Variants in EML1 observed in about 807,000 individuals in gnomAD.
EML1 encodes the protein EMAP like 1.
In EML1, 27 loss-of-function variants were observed where a neutral mutation model predicts 110.4. The observed-to-expected ratio is 0.24, with a 90% CI of 0.18 to 0.34. EML1 has a LOEUF of 0.34. EML1 is among the 10% of genes least tolerant of loss of function. EML1 has a pLI of 1.00. For synonymous variants in EML1, 344 were observed against 385.8 expected (o/e 0.89, Z 1.27); for missense variants, 741 against 1,030.9 (o/e 0.72, Z 3.85).
intron 1 of EML1, among the ~76,000 whole-genome samples, chr14:99,761,860 G>A (rs963197259): frequency 2.0e-5 from 3 of 149,698 alleles, no homozygotes; most frequent in Non-Finnish European, 3.0e-5. Flanking sequence ...GGGAGGCGGA[G>A]GTTGCAGTGA....
chr14:99,834,772 TAGAATTC>T (rs1258867121), intron 1 of EML1, among the ~76,000 whole-genome samples: 1 of 152,210 alleles, frequency 6.6e-6, no homozygotes, highest in Non-Finnish European at 1.5e-5. Context: ...AAATATTTGG[TAGAATTC>T]ACCAGTGAGG....
At chr14:99,772,119 G>T (rs1281037438), upstream of EML1, among the ~76,000 whole-genome samples, 1 of 152,178 alleles carries the variant, frequency 6.6e-6, no homozygotes, top group Non-Finnish European at 1.5e-5. Flanking sequence ...ATTGTTCTGT[G>T]TTGTACACTC....
Position 99,817,414 on chromosome 14 carries a change from CT to C in EML1, c.67+23873del, listed in dbSNP as rs2058186402. ...GTCATCAAAGGCCTTTGTATATGAA[CT>C]TGGCATCTTTCTTGTAGGTGGCAGT... On this transcript the variant is annotated intron_variant, in intron 1 of 21. Coordinates refer to ENST00000262233, the MANE Select transcript of EML1 (RefSeq NM_004434.3). Among the ~76,000 whole-genome samples, 6 of 152,306 alleles carry C rather than the reference CT, an allele frequency of 3.9e-5. No individual in the cohort carries two copies. The East Asian group carries it at 1.2e-3, about 29-fold the overall frequency.
chr14:99,900,887 T>TCAC (rs1302632403), intron 8 of EML1, 42 bp from the exon 9 acceptor site: 1 of 1,519,938 alleles, frequency 6.6e-7, no homozygotes, highest in Admixed American at 1.7e-5. Flanking sequence ...CACATGTGTA[T>TCAC]CACCATCACA....
intron 1 of EML1, among the ~76,000 whole-genome samples, chr14:99,739,066 G>GTGTGTGTGTGTGTGTA (rs1491429426): frequency 1.4e-4 from 2 of 14,008 alleles, no homozygotes; most frequent in African/African-American, 1.8e-4. Context: ...GAGTGTGAGA[G>GTGTGTGTGTGTGTGTA]TGTGTGTGTG....
chr14:99,843,061 C>G (rs1012919613), intron 1 of EML1, among the ~76,000 whole-genome samples: 1 of 152,132 alleles, frequency 6.6e-6, no homozygotes, highest in East Asian at 1.9e-4. Flanking sequence ...CAAGACCAGC[C>G]TGTGCAACAT....
intron 4 of EML1, among the ~76,000 whole-genome samples, chr14:99,882,278 A>C (rs1327483247): frequency 6.6e-6 from 1 of 152,210 alleles, no homozygotes; most frequent in Admixed American, 6.5e-5. Context: ...GATATTTTTC[A>C]ATTAAAAAAG....
At chr14:99,851,453 G>A (rs1323081955) in intron 2 of EML1, among the ~76,000 whole-genome samples, 3 of 152,038 alleles carry the variant, frequency 2.0e-5, no homozygotes, top group Admixed American at 6.6e-5. Flanking sequence ...GACTACAGGC[G>A]CCCGCCACCA....
intron 3 of EML1, among the ~76,000 whole-genome samples, chr14:99,872,297 A>AAGGGAGGG (rs1471032771): frequency 1.3e-5 from 2 of 152,166 alleles, no homozygotes; most frequent in African/African-American, 4.8e-5. Context: ...CTTAGGGAAG[A>AAGGGAGGG]AGGGAGGGAG....
At chr14:99,828,454 T>C (rs1218165096) in intron 1 of EML1, among the ~76,000 whole-genome samples, 2 of 152,210 alleles carry the variant, frequency 1.3e-5, no homozygotes, top group Non-Finnish European at 2.9e-5. Context: ...AACCCTTATT[T>C]TACCAGTAGT....
chr14:99,801,595 AC>A (rs2057882112), intron 1 of EML1, among the ~76,000 whole-genome samples: 1 of 151,568 alleles, frequency 6.6e-6, no homozygotes, highest in Non-Finnish European at 1.5e-5. Context: ...AGCCTGGGCC[AC>A]AGAGCGAGAC....
rs562446905 is a variant in EML1 at position 99,830,165 on chromosome 14, A to AT, written c.68-20680dup. ...ATTCTTGCCAATGCTTGTTATTTTC[A>AT]TTTTTTTTATGATAGCCATTCTAGT... On this transcript the variant is annotated intron_variant, in intron 1 of 21. Transcript: ENST00000262233. 1.7e-4 allele frequency among the ~76,000 whole-genome samples: 26 copies of AT among 151,824 alleles called. No homozygotes were observed. The South Asian group carries it at 4.4e-3, about 26-fold the overall frequency.
At chr14:99,896,392 A>G (rs1285066943) in intron 6 of EML1, among the ~76,000 whole-genome samples, 3 of 151,902 alleles carry the variant, frequency 2.0e-5, no homozygotes, top group Admixed American at 1.3e-4. Flanking sequence ...TGTCATAGGC[A>G]TTTACCTGCA....
chr14:99,894,904 A>G (rs1645796005), intron 6 of EML1, 146 bp downstream of exon 6: 1 of 1,087,954 alleles, frequency 9.2e-7, no homozygotes, highest in Admixed American at 3.3e-5. Context: ...ACTTAATGTA[A>G]CAAAATTGAC....
chr14:99,935,978 A>G lies in EML1; in HGVS notation c.1910-51A>G, dbSNP rs375098671. ...CAGCTACCGTTATCCTTTGTAACGA[A>G]CAAAATGTGTATTGTTAACATCTGA... On this transcript the variant is annotated intron_variant, in intron 17 of 21. Coordinates refer to ENST00000262233, the MANE Select transcript of EML1 (RefSeq NM_004434.3). 17 of 1,557,442 alleles carry G rather than the reference A, an allele frequency of 1.1e-5. No individual in the cohort carries two copies. In the African/African-American group the frequency reaches 2.0e-4, roughly 18 times the overall value.
chr14:99,885,356 C>T (rs962457687), intron 4 of EML1, among the ~76,000 whole-genome samples: 5 of 152,200 alleles, frequency 3.3e-5, no homozygotes, highest in South Asian at 2.1e-4. Flanking sequence ...GGGAATACTG[C>T]AGGCAGTGGT....
At position 99,914,252 on chromosome 14, in the gene EML1, G is replaced by A. The variant is rs2059995590; in HGVS notation, c.1568G>A (p.Arg523Gln). The A allele has an allele frequency of 2.5e-6, 4 of 1,613,966 alleles. No homozygotes were observed. Among genetic ancestry groups the A allele is most frequent in the Non-Finnish European group, 3.4e-6 (4 of 1,179,892 alleles). ...GATGTGATCTTGATTGGCACAACTC[G>A]AAACTTTGTCCTGCAGGGCACTCTG... ...KGDVILIGTT[R>Q]NFVLQGTLSG... is the part of the protein sequence containing the mutation. The change falls in exon 14 of 22, where the codon CGA becomes CAA. Residue 523 changes from arginine (R) to glutamine (Q), a missense_variant. Arg to Gln is a conservative substitution (Grantham distance 43, BLOSUM62 1). This residue lies in a region of EML1 where 388 missense variants were observed against 605.6 expected (regional missense o/e 0.64). Coordinates refer to ENST00000262233, the MANE Select transcript of EML1 (RefSeq NM_004434.3).
chr14:99,907,771 T>C, intron 10 of EML1, 38 bp downstream of exon 10: 2 of 1,607,034 alleles, frequency 1.2e-6, no homozygotes, highest in Non-Finnish European at 1.7e-6. Context: ...CATTAACATT[T>C]TCCCATTCAG....
At chr14:99,773,442 C>T (rs1306541356) in exon 1 of EML1, 1 of 152,320 alleles carries the variant, frequency 6.6e-6, no homozygotes, top group Non-Finnish European at 1.5e-5. Context: ...GTCCCAGAAT[C>T]TACCTGCCTT....
Sources: allele counts gnomAD v4.1 joint callset (sites outside exome capture counted in the v4.1 genomes callset), GRCh38; gene constraint gnomAD v4.1.1; regional missense constraint gnomAD v4.1.1; transcripts MANE v1.5; gene names NCBI Gene and HGNC (gene_info 2026-07-23, HGNC 2026-07-21).